The following MAGI3 variants were observed in gnomAD, a reference collection of about 807,000 sequenced individuals.
MAGI3 encodes membrane-associated guanylate kinase, WW and PDZ domain-containing protein 3.
MAGI3 carries 43 observed loss-of-function variants against 121.8 expected under a neutral mutation model. That is an observed-to-expected ratio of 0.35 (90% CI 0.28 to 0.46). The LOEUF (loss-of-function observed/expected upper bound fraction) is 0.46. Ranked by LOEUF, MAGI3 falls within the 20% of genes least tolerant of loss-of-function variation. The pLI is 1.00. For synonymous variants in MAGI3, 553 were observed against 639.3 expected (o/e 0.86, Z 2.04); for missense variants, 1,547 against 1,797.3 (o/e 0.86, Z 2.52).
At chr1:113,489,794 G>C (rs1570751243) in intron 1 of MAGI3, among the ~76,000 whole-genome samples, 1 of 151,966 alleles carries the variant, frequency 6.6e-6, no homozygotes, top group Admixed American at 6.6e-5. Context: ...AGGAATCTCA[G>C]AGCTAGAAGA....
intron 6 of MAGI3, among the ~76,000 whole-genome samples, chr1:113,596,102 T>TA (rs1224740405): frequency 5.4e-4 from 78 of 144,358 alleles, no homozygotes; most frequent in Non-Finnish European, 7.0e-4. Flanking sequence ...CAAAGAACCT[T>TA]AAAAAAAAAA....
intron 1 of MAGI3, among the ~76,000 whole-genome samples, chr1:113,520,169 A>G (rs1304535489): frequency 1.3e-5 from 2 of 151,814 alleles, no homozygotes; most frequent in Admixed American, 6.5e-5. Context: ...TTTGGAACAG[A>G]TGCTATTTTT....
intron 9 of MAGI3, among the ~76,000 whole-genome samples, chr1:113,628,183 TG>T (rs1275856935): frequency 2.0e-5 from 3 of 152,144 alleles, no homozygotes; most frequent in African/African-American, 7.2e-5. Context: ...GTGTATCCAT[TG>T]TATTTTTTTA....
intron 2 of MAGI3, among the ~76,000 whole-genome samples, chr1:113,578,570 A>C (rs1307212883): frequency 6.6e-6 from 1 of 152,064 alleles, no homozygotes; most frequent in African/African-American, 2.4e-5. Flanking sequence ...ACTGGTGTGC[A>C]TCACTATACC....
chr1:113,511,528 A>G (rs1033796169), intron 1 of MAGI3, among the ~76,000 whole-genome samples: 3 of 152,214 alleles, frequency 2.0e-5, no homozygotes, highest in Non-Finnish European at 2.9e-5. Context: ...CGAGCAGGGT[A>G]TGGCAGGGGT....
intron 1 of MAGI3, among the ~76,000 whole-genome samples, chr1:113,455,537 C>T (rs1265042224): frequency 1.3e-5 from 2 of 152,202 alleles, no homozygotes; most frequent in Middle Eastern, 3.4e-3. Flanking sequence ...GGCTCCTGCA[C>T]TCTGGCCATA....
At chr1:113,588,727 A>G in intron 4 of MAGI3, among the ~76,000 whole-genome samples, 1 of 152,138 alleles carries the variant, frequency 6.6e-6, no homozygotes, top group South Asian at 2.1e-4. Context: ...GGATTTAGCA[A>G]TGTAGAGGTT....
At chr1:113,505,588 A>G (rs1402528238) in intron 1 of MAGI3, among the ~76,000 whole-genome samples, 1 of 151,622 alleles carries the variant, frequency 6.6e-6, no homozygotes, top group Non-Finnish European at 1.5e-5. Context: ...AGCTATGAAG[A>G]AAAAGCATTT....
chr1:113,551,545 G>A (rs1659789237), intron 2 of MAGI3, among the ~76,000 whole-genome samples: 1 of 151,978 alleles, frequency 6.6e-6, no homozygotes, highest in Admixed American at 6.6e-5. Context: ...AATCTACCTT[G>A]TAGCTGCAGA....
intron 1 of MAGI3, among the ~76,000 whole-genome samples, chr1:113,426,940 A>G (rs368395062): frequency 3.3e-5 from 5 of 151,812 alleles, no homozygotes; most frequent in African/African-American, 1.2e-4. Flanking sequence ...CTCTCTATAT[A>G]TATCTGTATC....
At chr1:113,484,185 G>A (rs757909740) in intron 1 of MAGI3, among the ~76,000 whole-genome samples, 2 of 152,138 alleles carry the variant, frequency 1.3e-5, no homozygotes, top group Non-Finnish European at 2.9e-5. Context: ...AATTTTAAAT[G>A]AATATCCTGA....
chr1:113,575,564 C>G (rs1006848208), intron 2 of MAGI3, among the ~76,000 whole-genome samples: 7 of 152,212 alleles, frequency 4.6e-5, no homozygotes, highest in Middle Eastern at 3.2e-3. Flanking sequence ...CCTCTGGAAA[C>G]TTCCTCCCAG....
At chr1:113,611,074 T>G (rs189401267) in intron 6 of MAGI3, among the ~76,000 whole-genome samples, 16 of 151,876 alleles carry the variant, frequency 1.1e-4, no homozygotes, top group Admixed American at 9.9e-4. Flanking sequence ...CCCACAGCCA[T>G]TTTCATAATT....
At chr1:113,559,141 TAAAC>T (rs1660116958) in intron 2 of MAGI3, among the ~76,000 whole-genome samples, 1 of 152,224 alleles carries the variant, frequency 6.6e-6, no homozygotes, top group African/African-American at 2.4e-5. Context: ...GCAGCCACCA[TAAAC>T]AAGTCTGCAA....
At chr1:113,397,490 A>T (rs1651178002) in intron 1 of MAGI3, among the ~76,000 whole-genome samples, 2 of 152,088 alleles carry the variant, frequency 1.3e-5, no homozygotes, top group Admixed American at 1.3e-4. Context: ...CAGGGCAAAA[A>T]CGTTCCATAC....
chr1:113,504,038 T>C (rs1657186333), intron 1 of MAGI3, among the ~76,000 whole-genome samples: 1 of 151,992 alleles, frequency 6.6e-6, no homozygotes, highest in Non-Finnish European at 1.5e-5. Flanking sequence ...TTGGAGTGCA[T>C]AGAGTAAAAA....
At chr1:113,584,727 G>A (rs1364853502) in intron 3 of MAGI3, among the ~76,000 whole-genome samples, 1 of 152,046 alleles carries the variant, frequency 6.6e-6, no homozygotes, top group Non-Finnish European at 1.5e-5. Flanking sequence ...CAGCATCAAT[G>A]CATTTAAATT....
chr1:113,537,421 G>A (rs925792814), intron 1 of MAGI3, among the ~76,000 whole-genome samples: 1 of 152,144 alleles, frequency 6.6e-6, no homozygotes, highest in Non-Finnish European at 1.5e-5. Flanking sequence ...GTCGTCTGCA[G>A]CTTTGAAGTA....
Position 113,681,353 on chromosome 1 carries a change from A to G in MAGI3, c.3328+17A>G. 3 of 1,608,636 alleles carry G rather than the reference A, an allele frequency of 1.9e-6. No homozygotes were observed. The highest frequency in any genetic ancestry group is 2.2e-5 in the South Asian group (2 of 90,004). Reference sequence around the variant, plus strand: ...CTGACCATGGTAAGTAAAGTAGCCCACTAGTAGCTGAAAAGTTGTATATTA... The same window carrying G: ...CTGACCATGGTAAGTAAAGTAGCCCGCTAGTAGCTGAAAAGTTGTATATTA... On this transcript the variant is annotated intron_variant, in intron 20 of 20. Coordinates refer to ENST00000307546, the MANE Select transcript of MAGI3 (RefSeq NM_001142782.2).
Sources: gnomAD v4.1 joint callset for allele counts (sites outside exome capture counted in the v4.1 genomes callset) on GRCh38, gnomAD v4.1.1 for gene constraint, MANE v1.5 for transcripts, NCBI Gene and HGNC (gene_info 2026-07-23, HGNC 2026-07-21) for gene names.